The following MDGA2 variants were observed in gnomAD, a reference collection of about 807,000 sequenced individuals.
MDGA2 encodes MAM domain containing glycosylphosphatidylinositol anchor 2, also known as MAM domain-containing glycosylphosphatidylinositol anchor protein 2.
In MDGA2, 40 loss-of-function variants were observed where a neutral mutation model predicts 117.8. That is an observed-to-expected ratio of 0.34 (90% CI 0.26 to 0.44). MDGA2 has a LOEUF of 0.44. MDGA2 is among the 20% of genes least tolerant of loss of function. MDGA2 has a pLI of 1.00. For synonymous variants in MDGA2, 452 were observed against 439.0 expected, an observed-to-expected ratio of 1.03 and a Z score of -0.37; for missense variants, 1,123 against 1,250.6, an observed-to-expected ratio of 0.90 and a Z score of 1.54.
chr14:47,218,027 C>T lies in MDGA2; in HGVS notation c.589G>A (p.Val197Ile), dbSNP rs746704619. 33 of 1,547,900 alleles carry T rather than the reference C, an allele frequency of 2.1e-5. No individual in the cohort carries two copies. Among genetic ancestry groups the T allele is most frequent in the Non-Finnish European group, 2.7e-5 (31 of 1,145,026 alleles). The change falls in exon 3 of 17, where the codon GTA becomes ATA. Residue 197 changes from valine to isoleucine, a missense_variant. Val to Ile is a conservative substitution (Grantham distance 29). Transcript: ENST00000399232. ...TTCTGGAAAATTTACTTACAGTATA[C>T]ATCCACTCTGATTGACTTTATCGCT... ...SPAIKSIRVD[V>I]YYLDDPVVTV...
At chr14:47,247,818 C>T (rs1044627636) in intron 2 of MDGA2, among the ~76,000 whole-genome samples, 7 of 151,196 alleles carry the variant, frequency 4.6e-5, no homozygotes, top group Admixed American at 2.6e-4. Flanking sequence ...TGATAGGCCC[C>T]GACGTGTGAT....
At chr14:47,067,066 G>T (rs10140743) in intron 6 of MDGA2, among the ~76,000 whole-genome samples, 5 of 152,072 alleles carry the variant, frequency 3.3e-5, no homozygotes, top group African/African-American at 1.2e-4. Context: ...AGTGAGCCAA[G>T]ATCAGGCCAC....
At chr14:46,936,215 G>A (rs1463888928) in intron 9 of MDGA2, among the ~76,000 whole-genome samples, 1 of 151,844 alleles carries the variant, frequency 6.6e-6, no homozygotes, top group African/African-American at 2.4e-5. Flanking sequence ...TTCTTGAAAA[G>A]TTCTGTCAGC....
intron 5 of MDGA2, among the ~76,000 whole-genome samples, chr14:47,111,144 G>C (rs74463089): frequency 0.025 from 3,862 of 152,120 alleles, 152 homozygotes; most frequent in African/African-American, 0.089. Context: ...AATTATAGGA[G>C]GTAGGTACTA....
intron 1 of MDGA2, among the ~76,000 whole-genome samples, chr14:47,307,684 TGG>T (rs397853293): frequency 6.0e-5 from 9 of 150,564 alleles, no homozygotes; most frequent in East Asian, 5.9e-4. Context: ...AGATACTCTG[TGG>T]GGGGGAAAAA....
rs1338270284 is a variant in MDGA2 at position 47,122,741 on chromosome 14, T to C, written c.925+8973A>G. 2.0e-5 allele frequency among the ~76,000 whole-genome samples: 3 copies of C among 152,070 alleles called. No individual in the cohort carries two copies. In the East Asian group the frequency reaches 5.8e-4, roughly 29 times the overall value. The stretch of plus-strand genomic sequence containing the variant: ...CCAACTGAATTATTGCCTATGATAA[T>C]GCAATTCTTAGTATTTCACTAGACC... On this transcript the variant is annotated intron_variant, in intron 5 of 16. Coordinates refer to ENST00000399232, the MANE Select transcript of MDGA2 (RefSeq NM_001113498.3).
intron 14 of MDGA2, 78 bp downstream of exon 14, chr14:46,873,355 T>C: frequency 3.0e-6 from 4 of 1,325,586 alleles, no homozygotes; most frequent in Non-Finnish European, 4.0e-6. Flanking sequence ...AAAATTGTTT[T>C]AATGCTGTGT....
chr14:47,092,419 G>C lies in MDGA2; in HGVS notation c.1195+4435C>G, dbSNP rs1301797842. On this transcript the variant is annotated intron_variant, in intron 6 of 16. Coordinates refer to ENST00000399232, the MANE Select transcript of MDGA2 (RefSeq NM_001113498.3). ...TTCTTATGCAGAATTTTTGGAGAAA[G>C]TGGAAGAAATCTCAAGCCATGATTC... 2.6e-5 allele frequency among the ~76,000 whole-genome samples: 4 copies of C among 152,126 alleles called. No individual in the cohort carries two copies. The East Asian group carries it at 7.7e-4, about 29-fold the overall frequency.
At chr14:47,413,565 T>A (rs17675847) in intron 1 of MDGA2, among the ~76,000 whole-genome samples, 13,906 of 152,126 alleles carry the variant, frequency 0.091, 828 homozygotes, top group Middle Eastern at 0.2. Context: ...CTATTCTGGT[T>A]AAAATGTCTG....
intron 8 of MDGA2, among the ~76,000 whole-genome samples, chr14:47,013,295 AT>A (rs1387308769): frequency 6.6e-6 from 1 of 152,176 alleles, no homozygotes. Flanking sequence ...TAGCATCTTC[AT>A]TAGCAGTAGA....
At chr14:47,034,729 TACAC>T (rs59191576) in intron 8 of MDGA2, among the ~76,000 whole-genome samples, 11,971 of 146,986 alleles carry the variant, frequency 0.081, 654 homozygotes, top group African/African-American at 0.16. Context: ...ATAATTATCA[TACAC>T]ACACACACAC....
chr14:46,909,314 C>T (rs1883610317), intron 10 of MDGA2, among the ~76,000 whole-genome samples: 1 of 152,050 alleles, frequency 6.6e-6, no homozygotes, highest in South Asian at 2.1e-4. Context: ...AAAGGCAGAA[C>T]TTAGTAGTAA....
At chr14:47,064,013 G>T (rs1270878371) in intron 6 of MDGA2, among the ~76,000 whole-genome samples, 1 of 151,418 alleles carries the variant, frequency 6.6e-6, no homozygotes, top group South Asian at 2.1e-4. Context: ...AAAAAATACT[G>T]ATAAAAATAT....
intron 2 of MDGA2, among the ~76,000 whole-genome samples, chr14:47,238,822 C>T (rs1886950135): frequency 6.6e-6 from 1 of 151,638 alleles, no homozygotes; most frequent in African/African-American, 2.4e-5. Flanking sequence ...CCAAAATACA[C>T]TGTTTTTAGT....
chr14:47,336,254 G>T (rs1349876365), intron 1 of MDGA2, among the ~76,000 whole-genome samples: 2 of 151,848 alleles, frequency 1.3e-5, no homozygotes, highest in African/African-American at 4.8e-5. Flanking sequence ...GACCACAACA[G>T]AAGAGTTTTG....
intron 14 of MDGA2, among the ~76,000 whole-genome samples, chr14:46,860,884 A>C (rs1014128164): frequency 6.6e-6 from 1 of 151,940 alleles, no homozygotes; most frequent in African/African-American, 2.4e-5. Flanking sequence ...TTTCACTTGA[A>C]GTAATTCAGT....
intron 1 of MDGA2, among the ~76,000 whole-genome samples, chr14:47,320,984 A>G (rs939049175): frequency 1.3e-5 from 2 of 152,222 alleles, no homozygotes; most frequent in African/African-American, 4.8e-5. Context: ...CAAGGGCTTC[A>G]TCGGCAGAGG....
At chr14:46,863,995 A>C (rs985077284) in intron 14 of MDGA2, among the ~76,000 whole-genome samples, 5 of 152,048 alleles carry the variant, frequency 3.3e-5, no homozygotes, top group Non-Finnish European at 7.4e-5. Flanking sequence ...TACATGTGCC[A>C]TGCTGGTGCG....
rs189372387 is a variant in MDGA2 at position 47,349,827 on chromosome 14, T to G, written c.281-48277A>C. Among the ~76,000 whole-genome samples the G allele has an allele frequency of 1.2e-3, 180 of 152,350 alleles. 1 individual carries two copies. The highest frequency in any genetic ancestry group is 1.8e-3 in the Non-Finnish European group (125 of 68,032). On this transcript the variant is annotated intron_variant, in intron 1 of 16. Coordinates refer to ENST00000399232, the MANE Select transcript of MDGA2 (RefSeq NM_001113498.3). ...CCATTCTCTCTTCTTCTCATTCTTT[T>G]ACCCCCAGAAGGTTGATCCTTAAAG...
Sources: gnomAD v4.1 joint callset for allele counts (sites outside exome capture counted in the v4.1 genomes callset) on GRCh38, gnomAD v4.1.1 for gene constraint, MANE v1.5 for transcripts, NCBI Gene and HGNC (gene_info 2026-07-23, HGNC 2026-07-21) for gene names.